Variants in NPIPB2 observed in about 807,000 individuals in gnomAD.
The protein encoded by NPIPB2 is nuclear pore complex interacting protein family member B2.
A neutral mutation model predicts 30.8 loss-of-function variants in NPIPB2; 27 were observed. The ratio of observed to expected loss-of-function variants is 0.88; its 90% CI spans 0.65 to 1.21. The LOEUF (loss-of-function observed/expected upper bound fraction) is 1.21, where lower values mean the gene tolerates loss of function less well. Ranked by LOEUF, NPIPB2 falls within the 50% of genes most tolerant of loss-of-function variation. The probability of loss-of-function intolerance (pLI) is 0.00; values close to 1 mark genes in which losing one functional copy is unlikely to be tolerated. For synonymous variants in NPIPB2, 147 were observed against 162.0 expected (o/e 0.91, Z 0.70); for missense variants, 440 against 446.2 (o/e 0.99, Z 0.13).
chr16:11,970,020 C>G (rs1017190786), intron 1 of NPIPB2, among the ~76,000 whole-genome samples: 1 of 151,868 alleles, frequency 6.6e-6, no homozygotes, highest in African/African-American at 2.4e-5. Flanking sequence ...CGCCACCACA[C>G]CCGGCCTATA....
chr16:11,967,578 C>A (rs1410947280), intron 1 of NPIPB2: 2 of 1,612,078 alleles, frequency 1.2e-6, no homozygotes, highest in Admixed American at 1.7e-5. Context: ...AGGATCAGGT[C>A]TCCTGGGCAT....
chr16:11,943,287 C>G (rs2054963108), upstream of NPIPB2, among the ~76,000 whole-genome samples: 1 of 152,160 alleles, frequency 6.6e-6, no homozygotes. Context: ...CCACTGCACT[C>G]CAGCCTAGGC....
chr16:11,941,169 A>C lies in NPIPB2; in HGVS notation c.63+814T>G, dbSNP rs1183492742. ...CCCCGCGGGTCCAGCGTCTACTCAC[A>C]CAGGTGGACTGATGGCTGATAAATT... On this transcript the variant is annotated intron_variant, in intron 1 of 7. Coordinates refer to ENST00000399147, the Ensembl canonical transcript of NPIPB2. The C allele has an allele frequency of 2.3e-5, 35 of 1,505,612 alleles. 1 individual carries two copies. The highest frequency in any genetic ancestry group is 2.8e-5 in the Non-Finnish European group (32 of 1,125,074). The allele number at this position is 1,505,612 out of a possible 1,614,324, so 93.3% of individuals were successfully genotyped here.
At chr16:11,927,705 G>A in exon 8 of NPIPB2, 2 of 1,597,040 alleles carry the variant, frequency 1.3e-6, no homozygotes, top group Non-Finnish European at 1.7e-6. Flanking sequence ...GGTGGAAGGG[G>A]AGTGAGCAGA....
intron 1 of NPIPB2, chr16:11,966,195 G>T (rs1378719806): frequency 1.9e-6 from 3 of 1,611,574 alleles, no homozygotes; most frequent in Admixed American, 3.3e-5. Context: ...TTTCATAAAG[G>T]TGTGACCAAT....
intron 1 of NPIPB2, among the ~76,000 whole-genome samples, chr16:11,971,825 T>C (rs2055237434): frequency 6.6e-6 from 1 of 152,032 alleles, no homozygotes; most frequent in Admixed American, 6.6e-5. Flanking sequence ...GATTGGCAAT[T>C]GGTTGAAAGA....
intron 2 of NPIPB2, among the ~76,000 whole-genome samples, chr16:11,936,884 C>G (rs1249812136): frequency 6.6e-6 from 1 of 151,004 alleles, no homozygotes; most frequent in Non-Finnish European, 1.5e-5. Context: ...TGCCCTTCAC[C>G]TTCTGGCAGT....
chr16:11,965,534 T>A (rs1325420852), intron 1 of NPIPB2: 74 of 1,423,738 alleles, frequency 5.2e-5, no homozygotes, highest in Non-Finnish European at 6.9e-5. Flanking sequence ...AGAATCAACA[T>A]AATGGGCATG....
intron 1 of NPIPB2, among the ~76,000 whole-genome samples, chr16:11,947,744 C>T (rs1248165101): frequency 6.6e-6 from 1 of 151,378 alleles, no homozygotes; most frequent in African/African-American, 2.4e-5. Context: ...AATGTTTTCC[C>T]AAATGCCTCT....
chr16:11,930,244 G>A (rs1031125178), intron 5 of NPIPB2, among the ~76,000 whole-genome samples: 10 of 121,484 alleles, frequency 8.2e-5, no homozygotes, highest in East Asian at 6.9e-4. Flanking sequence ...GTCAGGAGCC[G>A]TTTTGCTACT....
At chr16:11,941,740 C>CA (rs145617726) in intron 1 of NPIPB2, 81,849 of 836,300 alleles carry the variant, frequency 0.098, 10,595 homozygotes, top group African/African-American at 0.48. Context: ...TCACAATGGA[C>CA]ATGCCAAGTA....
chr16:11,959,929 C>T (rs1167853265), intron 1 of NPIPB2, among the ~76,000 whole-genome samples: 1 of 152,118 alleles, frequency 6.6e-6, no homozygotes, highest in Non-Finnish European at 1.5e-5. Flanking sequence ...GCACGCACTA[C>T]CACACCTGGC....
intron 1 of NPIPB2, among the ~76,000 whole-genome samples, chr16:11,949,310 T>C (rs908507532): frequency 7.2e-5 from 11 of 152,080 alleles, no homozygotes; most frequent in African/African-American, 2.2e-4. Flanking sequence ...GCAAAATAGG[T>C]ATCATCATCT....
chr16:11,944,728 C>T (rs531106176), upstream of NPIPB2, among the ~76,000 whole-genome samples: 5 of 65,154 alleles, frequency 7.7e-5, no homozygotes, highest in South Asian at 9.0e-4. Flanking sequence ...ACACAGACTC[C>T]GTGTCAAAAA....
intron 1 of NPIPB2, among the ~76,000 whole-genome samples, chr16:11,959,612 A>T (rs1273130731): frequency 1.3e-5 from 2 of 152,116 alleles, no homozygotes; most frequent in Admixed American, 1.3e-4. Flanking sequence ...TATTATTAAA[A>T]AAAAATATTC....
chr16:11,964,177 A>G (rs1005473935), intron 1 of NPIPB2, among the ~76,000 whole-genome samples: 18 of 152,264 alleles, frequency 1.2e-4, no homozygotes, highest in African/African-American at 4.3e-4. Context: ...GGGATACACC[A>G]GGTGTTAGCG....
chr16:11,937,750 G>A lies in NPIPB2; in HGVS notation c.64-82C>T, dbSNP rs974644370. The A allele has an allele frequency of 3.2e-5, 49 of 1,516,370 alleles. No individual in the cohort carries two copies. In the Admixed American group the frequency reaches 7.3e-4, roughly 23 times the overall value. The allele number at this position is 1,516,370 out of a possible 1,614,324, so 93.9% of individuals were successfully genotyped here. ...TCAGAAAGAATCATCCTTAGAAACC[G>A]TCAACCTCCTCCAAAAGGTAACCAC... On this transcript the variant is annotated intron_variant, in intron 1 of 7. Transcript: ENST00000399147.
intron 1 of NPIPB2, among the ~76,000 whole-genome samples, chr16:11,948,167 G>T (rs535423660): frequency 6.6e-6 from 1 of 151,620 alleles, no homozygotes; most frequent in Non-Finnish European, 1.5e-5. Context: ...GGACTGAGTG[G>T]TTTCCTGGGC....
At chr16:11,941,799 T>C in intron 1 of NPIPB2, 184 bp downstream of exon 1, 1 of 1,296,758 alleles carries the variant, frequency 7.7e-7, no homozygotes, top group Non-Finnish European at 1.1e-6. Context: ...TCTCCCACTC[T>C]CCTCCCAAGG....
Sources: gnomAD v4.1 joint callset for allele counts (sites outside exome capture counted in the v4.1 genomes callset) on GRCh38, gnomAD v4.1.1 for gene constraint, MANE v1.5 for transcripts, NCBI Gene and HGNC (gene_info 2026-07-23, HGNC 2026-07-21) for gene names.